Variants in RORA observed in about 807,000 individuals in gnomAD.
The protein encoded by RORA is RAR related orphan receptor A, also known as nuclear receptor ROR-alpha.
Under a neutral mutation model 69.5 loss-of-function variants are expected in RORA, and 7 were observed. That is an observed-to-expected ratio of 0.10 (90% CI 0.06 to 0.19). The LOEUF (loss-of-function observed/expected upper bound fraction) is 0.19, where lower values mean the gene tolerates loss of function less well. RORA is among the 10% of genes least tolerant of loss of function. RORA has a pLI of 1.00. For missense variants in RORA, 457 were observed against 663.0 expected (o/e 0.69, Z 3.41); for synonymous variants, 261 against 240.8 (o/e 1.08, Z -0.78).
chr15:60,835,259 G>C (rs2073101253), intron 1 of RORA, among the ~76,000 whole-genome samples: 1 of 152,196 alleles, frequency 6.6e-6, no homozygotes, highest in African/African-American at 2.4e-5. Context: ...ATCAGGCTTG[G>C]CTTAAAAGCT....
chr15:61,089,137 T>C (rs952402690), intron 1 of RORA, among the ~76,000 whole-genome samples: 2 of 152,202 alleles, frequency 1.3e-5, no homozygotes, highest in East Asian at 1.9e-4. Context: ...TCTTTCAAGA[T>C]AAATGAATCA....
intron 1 of RORA, among the ~76,000 whole-genome samples, chr15:60,760,849 C>CGG (rs972613682): frequency 6.6e-6 from 1 of 150,956 alleles, no homozygotes; most frequent in African/African-American, 2.5e-5. Context: ...TACATGCAGA[C>CGG]AGACACACAC....
At chr15:60,592,876 C>G (rs1399442214) in intron 2 of RORA, 7 of 460,646 alleles carry the variant, frequency 1.5e-5, no homozygotes, top group Admixed American at 2.4e-5. Flanking sequence ...TTTCTGCCCC[C>G]ACTCGGTGGG....
intron 1 of RORA, among the ~76,000 whole-genome samples, chr15:60,834,732 C>T (rs1365025299): frequency 4.4e-4 from 67 of 152,240 alleles, no homozygotes; most frequent in Admixed American, 4.3e-3. Flanking sequence ...TGAGGGGCTG[C>T]GCATTTGTTG....
chr15:60,738,326 T>C (rs1434408861), intron 1 of RORA, among the ~76,000 whole-genome samples: 1 of 152,234 alleles, frequency 6.6e-6, no homozygotes, highest in Non-Finnish European at 1.5e-5. Context: ...AGGAATATTT[T>C]ACAACACAGT....
intron 2 of RORA, among the ~76,000 whole-genome samples, chr15:60,587,080 CTAAGGA>C (rs1290703065): frequency 1.3e-5 from 2 of 152,184 alleles, no homozygotes; most frequent in African/African-American, 4.8e-5. Flanking sequence ...TTCCCTTTGC[CTAAGGA>C]TAAGTGGAAC....
chr15:61,030,823 T>C (rs1405133807), intron 1 of RORA, among the ~76,000 whole-genome samples: 1 of 152,170 alleles, frequency 6.6e-6, no homozygotes, highest in East Asian at 1.9e-4. Context: ...CTTTATAGTA[T>C]CTCTTCCCCA....
chr15:60,699,645 C>A (rs2070954334), intron 1 of RORA, among the ~76,000 whole-genome samples: 1 of 152,156 alleles, frequency 6.6e-6, no homozygotes, highest in Admixed American at 6.5e-5. Flanking sequence ...GGCAAGTTTC[C>A]TGACTTCTTT....
intron 2 of RORA, among the ~76,000 whole-genome samples, chr15:60,603,395 T>C (rs2140560098): frequency 6.6e-6 from 1 of 152,296 alleles, no homozygotes; most frequent in South Asian, 2.1e-4. Flanking sequence ...TGTATGAGAG[T>C]TCCAGTTGCT....
At chr15:60,555,547 T>A (rs2067333152) in intron 2 of RORA, among the ~76,000 whole-genome samples, 1 of 152,168 alleles carries the variant, frequency 6.6e-6, no homozygotes, top group South Asian at 2.1e-4. Flanking sequence ...ACAGCCTTGT[T>A]CAAAAGAATT....
At chr15:60,997,227 A>C (rs1008625636) in intron 1 of RORA, among the ~76,000 whole-genome samples, 24 of 152,156 alleles carry the variant, frequency 1.6e-4, no homozygotes, top group African/African-American at 5.3e-4. Flanking sequence ...ATTAAGTAAG[A>C]ATGTTTGTGT....
At chr15:60,876,485 A>T (rs181076246) in intron 1 of RORA, among the ~76,000 whole-genome samples, 6 of 152,310 alleles carry the variant, frequency 3.9e-5, no homozygotes, top group Admixed American at 3.9e-4. Context: ...CCTGGACATT[A>T]CTGCACTGAT....
intron 1 of RORA, among the ~76,000 whole-genome samples, chr15:61,004,357 T>A (rs1595872656): frequency 6.8e-6 from 1 of 147,340 alleles, no homozygotes; most frequent in Non-Finnish European, 1.5e-5. Flanking sequence ...GAATTCTTTA[T>A]GCTTAAAATG....
rs186550049 is a variant in RORA at position 61,082,736 on chromosome 15, G to A, written c.166+146317C>T. Reference sequence around the variant, plus strand: ...TTCACAGAAAGAGTTATATCAACATGTTTTTTTAGATGCTAAATCATGTTT... The same window carrying A: ...TTCACAGAAAGAGTTATATCAACATATTTTTTTAGATGCTAAATCATGTTT... On this transcript the variant is annotated intron_variant, in intron 1 of 10. Transcript: ENST00000335670. Among the ~76,000 whole-genome samples the A allele has an allele frequency of 2.3e-3, 345 of 152,156 alleles. 1 individual carries two copies. Among genetic ancestry groups the A allele is most frequent in the African/African-American group, 7.9e-3 (326 of 41,514 alleles).
At chr15:61,139,913 A>G (rs1198059720) in intron 1 of RORA, among the ~76,000 whole-genome samples, 1 of 152,202 alleles carries the variant, frequency 6.6e-6, no homozygotes, top group African/African-American at 2.4e-5. Context: ...AGTTAAATGA[A>G]TTGGATTGAA....
chr15:60,703,312 T>C (rs2071012813), intron 1 of RORA, among the ~76,000 whole-genome samples: 1 of 152,168 alleles, frequency 6.6e-6, no homozygotes, highest in African/African-American at 2.4e-5. Context: ...AATGTTAGGT[T>C]TTCACCTTGG....
intron 1 of RORA, among the ~76,000 whole-genome samples, chr15:60,826,119 G>A (rs1006464615): frequency 1.3e-5 from 2 of 152,194 alleles, no homozygotes; most frequent in African/African-American, 4.8e-5. Flanking sequence ...AGGAACACTG[G>A]ATGGGGATGG....
intron 1 of RORA, among the ~76,000 whole-genome samples, chr15:61,011,897 C>G (rs1566943033): frequency 6.6e-6 from 1 of 152,228 alleles, no homozygotes; most frequent in Non-Finnish European, 1.5e-5. Flanking sequence ...TTCCAGAGAG[C>G]TTGCGCTCTG....
intron 1 of RORA, among the ~76,000 whole-genome samples, chr15:60,706,513 G>A (rs149418321): frequency 2.0e-5 from 3 of 152,194 alleles, no homozygotes; most frequent in Non-Finnish European, 4.4e-5. Context: ...GCTTCTATCT[G>A]TTGAAGCAAT....
Sources: allele counts gnomAD v4.1 joint callset (sites outside exome capture counted in the v4.1 genomes callset), GRCh38; gene constraint gnomAD v4.1.1; transcripts MANE v1.5; gene names NCBI Gene and HGNC (gene_info 2026-07-23, HGNC 2026-07-21).